Variants in MAGI2 observed in about 807,000 individuals in gnomAD.
MAGI2 encodes the protein membrane-associated guanylate kinase, WW and PDZ domain-containing protein 2.
In MAGI2, 35 loss-of-function variants were observed where a neutral mutation model predicts 133.3. The observed-to-expected ratio is 0.26, with a 90% CI of 0.20 to 0.35. The LOEUF is 0.35. Among genes scored for constraint, MAGI2 ranks in the 10% least tolerant of loss-of-function variants. MAGI2 has a pLI of 1.00. For missense variants in MAGI2, 1,636 were observed against 1,863.4 expected (o/e 0.88, Z 2.25); for synonymous variants, 729 against 710.6 (o/e 1.03, Z -0.41).
intron 2 of MAGI2, among the ~76,000 whole-genome samples, chr7:78,688,963 T>G (rs1439786303): frequency 6.6e-6 from 1 of 152,200 alleles, no homozygotes; most frequent in Non-Finnish European, 1.5e-5. Flanking sequence ...TCCAGGAAAG[T>G]TAACATTATT....
intron 2 of MAGI2, among the ~76,000 whole-genome samples, chr7:78,887,426 G>T (rs373891397): frequency 6.6e-6 from 1 of 152,184 alleles, no homozygotes; most frequent in Non-Finnish European, 1.5e-5. Context: ...GGAGCAAGCC[G>T]CAGTAATCAG....
intron 1 of MAGI2, among the ~76,000 whole-genome samples, chr7:79,246,899 G>T (rs1832861651): frequency 6.6e-6 from 1 of 152,038 alleles, no homozygotes; most frequent in South Asian, 2.1e-4. Flanking sequence ...AATCCTAAAG[G>T]CAGCAAGAGA....
chr7:78,487,273 C>T (rs947278801), intron 6 of MAGI2: 1 of 195,522 alleles, frequency 5.1e-6, no homozygotes, highest in African/African-American at 2.3e-5. Flanking sequence ...AATCAAGAGG[C>T]AATTTTTATC....
chr7:79,227,811 T>A (rs1452660059), intron 1 of MAGI2, among the ~76,000 whole-genome samples: 1 of 152,208 alleles, frequency 6.6e-6, no homozygotes, highest in Non-Finnish European at 1.5e-5. Flanking sequence ...GTCTCTAAAC[T>A]CAAGACTCTA....
At chr7:78,840,691 T>G (rs1792057677) in intron 2 of MAGI2, among the ~76,000 whole-genome samples, 1 of 152,048 alleles carries the variant, frequency 6.6e-6, no homozygotes, top group South Asian at 2.1e-4. Flanking sequence ...AGGTGAATGT[T>G]ACCAACATCA....
intron 20 of MAGI2, 79 bp from the exon 21 acceptor site, chr7:78,079,164 T>C (rs575934935): frequency 3.6e-6 from 5 of 1,407,280 alleles, no homozygotes; most frequent in East Asian, 4.6e-5. Context: ...AAAAAAAGCA[T>C]GTCTAGATGA....
intron 7 of MAGI2, among the ~76,000 whole-genome samples, chr7:78,364,230 C>A (rs1364376060): frequency 6.6e-6 from 1 of 152,116 alleles, no homozygotes; most frequent in Non-Finnish European, 1.5e-5. Flanking sequence ...ATGTTTATTT[C>A]TAATTGGAAA....
intron 1 of MAGI2, chr7:79,010,898 A>C (rs1222728465): frequency 2.0e-5 from 3 of 152,168 alleles, no homozygotes; most frequent in African/African-American, 7.2e-5. Context: ...AGTTCCAAAA[A>C]ACATGTACCT....
chr7:78,345,667 T>C, intron 8 of MAGI2: 1 of 427,988 alleles, frequency 2.3e-6, no homozygotes, highest in South Asian at 3.4e-5. Context: ...AGTGCCACTA[T>C]AAAAATCCAT....
At position 78,816,197 on chromosome 7, in the gene MAGI2, TCTAA is replaced by T. The variant is rs1042826728; in HGVS notation, c.419-188962_419-188959del. Reference sequence around the variant, plus strand: ...ATCAAAGCCTAATCCAGAGCAAAACTCTAACTCTCTTCAATTCTATGAAGGTTAA... The same window carrying T: ...ATCAAAGCCTAATCCAGAGCAAAACTCTCTCTTCAATTCTATGAAGGTTAA... On this transcript the variant is annotated intron_variant, in intron 2 of 21. Transcript: ENST00000354212. Among the ~76,000 whole-genome samples the T allele has an allele frequency of 1.8e-3, 269 of 152,306 alleles. 2 individuals are homozygous for T. Among genetic ancestry groups the T allele is most frequent in the Non-Finnish European group, 2.8e-4 (19 of 68,030 alleles).
At chr7:78,488,285 A>C (rs993085614) in intron 6 of MAGI2, among the ~76,000 whole-genome samples, 1 of 152,052 alleles carries the variant, frequency 6.6e-6, no homozygotes, top group Non-Finnish European at 1.5e-5. Context: ...AAAACAAATA[A>C]CATTGAAATA....
intron 1 of MAGI2, among the ~76,000 whole-genome samples, chr7:79,430,387 A>G (rs913491928): frequency 6.6e-6 from 1 of 152,220 alleles, no homozygotes; most frequent in African/African-American, 2.4e-5. Flanking sequence ...GAATCCTCAA[A>G]TTTACATAAA....
intron 1 of MAGI2, chr7:79,412,910 C>T (rs1268167463): frequency 6.6e-6 from 1 of 152,146 alleles, no homozygotes; most frequent in Non-Finnish European, 1.5e-5. Flanking sequence ...CTACTTTAGA[C>T]ATGTTCACAT....
chr7:78,558,837 G>GTTTT (rs10691115), intron 3 of MAGI2, among the ~76,000 whole-genome samples: 8 of 130,052 alleles, frequency 6.2e-5, no homozygotes, highest in East Asian at 2.3e-4. Context: ...TTGAGACACC[G>GTTTT]TTTTTTTTTT....
At chr7:79,425,469 A>G (rs1847278682) in intron 1 of MAGI2, among the ~76,000 whole-genome samples, 1 of 151,682 alleles carries the variant, frequency 6.6e-6, no homozygotes, top group African/African-American at 2.4e-5. Flanking sequence ...TTATAAGTCA[A>G]TATATTTGGG....
intron 1 of MAGI2, among the ~76,000 whole-genome samples, chr7:79,265,186 C>G (rs1834355711): frequency 6.6e-6 from 1 of 152,172 alleles, no homozygotes; most frequent in Non-Finnish European, 1.5e-5. Flanking sequence ...GCACCATCAT[C>G]ACCTGAGAAC....
At chr7:78,246,841 A>G (rs1255803469) in intron 10 of MAGI2, among the ~76,000 whole-genome samples, 6 of 152,122 alleles carry the variant, frequency 3.9e-5, no homozygotes, top group African/African-American at 1.2e-4. Flanking sequence ...TTCTGGAGCC[A>G]GGCCAGTGCC....
chr7:78,544,795 T>C (rs1267914128), intron 3 of MAGI2, among the ~76,000 whole-genome samples: 1 of 151,718 alleles, frequency 6.6e-6, no homozygotes, highest in African/African-American at 2.4e-5. Context: ...GATCACGCCA[T>C]TGCACTCCAG....
chr7:78,859,801 G>A (rs897942537), intron 2 of MAGI2, among the ~76,000 whole-genome samples: 14 of 152,202 alleles, frequency 9.2e-5, no homozygotes, highest in Non-Finnish European at 1.8e-4. Context: ...ACTAGGTTGG[G>A]GTAGTTCTCC....
Sources: allele counts gnomAD v4.1 joint callset (sites outside exome capture counted in the v4.1 genomes callset), GRCh38; gene constraint gnomAD v4.1.1; transcripts MANE v1.5; gene names NCBI Gene and HGNC (gene_info 2026-07-23, HGNC 2026-07-21).